Variants in SYT14 observed in about 807,000 individuals in gnomAD.
The protein encoded by SYT14 is synaptotagmin 14, also known as synaptotagmin-14.
SYT14 carries 32 observed loss-of-function variants against 74.2 expected under a neutral mutation model. That is an observed-to-expected ratio of 0.43 (90% CI 0.33 to 0.58). SYT14 has a LOEUF of 0.58. Ranked by LOEUF, SYT14 falls within the 20% of genes least tolerant of loss-of-function variation. The pLI, the probability that SYT14 is intolerant of heterozygous loss-of-function variation, is 0.05. For synonymous variants in SYT14, 298 were observed against 337.7 expected, an observed-to-expected ratio of 0.88 and a Z score of 1.29; for missense variants, 791 against 981.8, an observed-to-expected ratio of 0.81 and a Z score of 2.60.
chr1:209,975,795 G>T (rs1485664134), intron 2 of SYT14, among the ~76,000 whole-genome samples: 1 of 152,280 alleles, frequency 6.6e-6, no homozygotes, highest in Non-Finnish European at 1.5e-5. Flanking sequence ...GCTCCTCCTT[G>T]TACCTCTGGT....
rs1238310929 is a variant in SYT14 at position 210,041,335 on chromosome 1, A to G, written c.1312+20081A>G. On this transcript the variant is annotated intron_variant, in intron 5 of 9. Transcript: ENST00000637265. ...GTGGCTACTTGCTTGGGCACCAAACAGCCTGAAAGAAGGTTTCCAAATGAG... is the reference window on the plus strand; with the variant it reads ...GTGGCTACTTGCTTGGGCACCAAACGGCCTGAAAGAAGGTTTCCAAATGAG... 3.9e-5 allele frequency among the ~76,000 whole-genome samples: 6 copies of G among 152,194 alleles called. No individual in the cohort carries two copies. The East Asian group carries it at 1.2e-3, about 29-fold the overall frequency.
chr1:209,989,307 A>C (rs2079624499), intron 2 of SYT14, among the ~76,000 whole-genome samples: 1 of 152,210 alleles, frequency 6.6e-6, no homozygotes, highest in Non-Finnish European at 1.5e-5. Context: ...ATTACACAGG[A>C]ACTGAGAGTC....
At chr1:210,076,501 C>T (rs968436810) in intron 5 of SYT14, among the ~76,000 whole-genome samples, 17 of 152,116 alleles carry the variant, frequency 1.1e-4, no homozygotes, top group African/African-American at 3.1e-4. Flanking sequence ...GCCTGTTCCT[C>T]GCCTTTCATA....
intron 2 of SYT14, among the ~76,000 whole-genome samples, chr1:209,958,095 A>T (rs529163464): frequency 1.3e-5 from 2 of 152,078 alleles, no homozygotes; most frequent in East Asian, 3.9e-4. Flanking sequence ...TTGATTTTTT[A>T]TATGGTTAAG....
intron 7 of SYT14, among the ~76,000 whole-genome samples, chr1:210,127,553 G>T (rs2082591654): frequency 6.6e-6 from 1 of 152,162 alleles, no homozygotes; most frequent in Admixed American, 6.5e-5. Flanking sequence ...GGTTGGCAGT[G>T]GCTGTTGAGC....
intron 5 of SYT14, among the ~76,000 whole-genome samples, chr1:210,076,660 G>T (rs1157070316): frequency 6.6e-6 from 1 of 152,160 alleles, no homozygotes; most frequent in African/African-American, 2.4e-5. Flanking sequence ...TTCTGGGGAG[G>T]CCTCAGCAAA....
chr1:210,089,656 G>T (rs867915536), intron 5 of SYT14, among the ~76,000 whole-genome samples: 1 of 151,932 alleles, frequency 6.6e-6, no homozygotes, highest in Non-Finnish European at 1.5e-5. Flanking sequence ...AGTTATTTTC[G>T]TTTAGATTTC....
chr1:210,035,315 A>G (rs894269129), intron 5 of SYT14, among the ~76,000 whole-genome samples: 4 of 151,812 alleles, frequency 2.6e-5, no homozygotes, highest in African/African-American at 7.2e-5. Flanking sequence ...GGATATTATA[A>G]CTTGTCTATC....
At chr1:209,978,529 G>C (rs1451377072) in intron 2 of SYT14, among the ~76,000 whole-genome samples, 2 of 152,198 alleles carry the variant, frequency 1.3e-5, no homozygotes, top group African/African-American at 4.8e-5. Context: ...AGATATTGGT[G>C]ATCAGCAAAT....
At chr1:210,082,636 A>G (rs998168438) in intron 5 of SYT14, among the ~76,000 whole-genome samples, 6 of 152,206 alleles carry the variant, frequency 3.9e-5, no homozygotes, top group Non-Finnish European at 4.4e-5. Context: ...AACTTTTGTT[A>G]AAGATGGTTT....
At chr1:210,093,483 C>T (rs895377427) in intron 5 of SYT14, among the ~76,000 whole-genome samples, 3 of 152,152 alleles carry the variant, frequency 2.0e-5, no homozygotes, top group Non-Finnish European at 2.9e-5. Flanking sequence ...CTCCTGCCCC[C>T]AACTCTGTCC....
intron 2 of SYT14, among the ~76,000 whole-genome samples, chr1:209,975,403 G>A (rs1276642621): frequency 6.6e-6 from 1 of 152,182 alleles, no homozygotes; most frequent in African/African-American, 2.4e-5. Flanking sequence ...TTTATTGAGA[G>A]TTTTTAGCAT....
chr1:210,147,760 C>T (rs1213114600), intron 7 of SYT14, among the ~76,000 whole-genome samples: 2 of 151,916 alleles, frequency 1.3e-5, no homozygotes, highest in African/African-American at 2.4e-5. Flanking sequence ...ACAGGGTAAG[C>T]AGAATTAAGA....
chr1:209,950,525 T>C (rs1297785423), intron 1 of SYT14, among the ~76,000 whole-genome samples: 1 of 152,170 alleles, frequency 6.6e-6, no homozygotes, highest in Non-Finnish European at 1.5e-5. Context: ...AATAATTCAT[T>C]TATAACCATA....
Position 210,069,265 on chromosome 1 carries a change from T to C in SYT14, c.1313-25057T>C, listed in dbSNP as rs186901899. Among the ~76,000 whole-genome samples, 168 of 152,104 alleles carry C rather than the reference T, an allele frequency of 1.1e-3. 1 individual carries two copies. Among genetic ancestry groups the C allele is most frequent in the Non-Finnish European group, 2.4e-4 (16 of 67,874 alleles). ...GTATGCATTCTCTAATTCTTCGTTA[T>C]AAGTTTCAGTGAATGTCTTTTAGTT... On this transcript the variant is annotated intron_variant, in intron 5 of 9. Transcript: ENST00000637265.
At chr1:210,118,563 C>T (rs1027685567) in intron 7 of SYT14, among the ~76,000 whole-genome samples, 17 of 151,972 alleles carry the variant, frequency 1.1e-4, no homozygotes, top group African/African-American at 7.3e-5. Flanking sequence ...CTGCAACCTC[C>T]GCCTCCCAGT....
intron 2 of SYT14, 30 bp downstream of exon 2, chr1:209,952,786 A>T (rs747509410): frequency 1.6e-5 from 25 of 1,567,750 alleles, no homozygotes; most frequent in Non-Finnish European, 2.2e-5. Context: ...GGCTATTTAC[A>T]TACTAAATGA....
At position 210,038,773 on chromosome 1, in the gene SYT14, G is replaced by T. The variant is rs945041823; in HGVS notation, c.1312+17519G>T. ...TCTTCTTGCTTATACAGTTTCTGCT[G>T]GGAAGTCTGCTTTTAGTCTGTTGGG... On this transcript the variant is annotated intron_variant, in intron 5 of 9. Transcript: ENST00000637265. Among the ~76,000 whole-genome samples, 7 of 152,074 alleles carry T rather than the reference G, an allele frequency of 4.6e-5. No individual in the cohort carries two copies. In the East Asian group the frequency reaches 1.3e-3, roughly 29 times the overall value.
At chr1:210,002,316 TTTTC>T (rs927577188) in intron 2 of SYT14, among the ~76,000 whole-genome samples, 4 of 152,096 alleles carry the variant, frequency 2.6e-5, no homozygotes, top group Admixed American at 6.6e-5. Flanking sequence ...ATTAATATTT[TTTTC>T]TTTAAGTTTT....
Sources: gnomAD v4.1 joint callset for allele counts (sites outside exome capture counted in the v4.1 genomes callset) on GRCh38, gnomAD v4.1.1 for gene constraint, MANE v1.5 for transcripts, NCBI Gene and HGNC (gene_info 2026-07-23, HGNC 2026-07-21) for gene names.